Variants in ZCWPW2 observed in about 807,000 individuals in gnomAD.
The protein encoded by ZCWPW2 is zinc finger CW-type and PWWP domain containing 2.
Under a neutral mutation model 46.6 loss-of-function variants are expected in ZCWPW2, and 45 were observed. That is an observed-to-expected ratio of 0.96 (90% confidence interval 0.76 to 1.24). The LOEUF is 1.24. Ranked by LOEUF, ZCWPW2 falls within the 50% of genes most tolerant of loss-of-function variation. The pLI is 0.00. For synonymous variants in ZCWPW2, 152 were observed against 137.1 expected, an observed-to-expected ratio of 1.11 and a Z score of -0.76; for missense variants, 429 against 403.9, an observed-to-expected ratio of 1.06 and a Z score of -0.53.
At chr3:28,428,593 A>C (rs149786713) in intron 3 of ZCWPW2, 36 of 152,310 alleles carry the variant, frequency 2.4e-4, no homozygotes, top group African/African-American at 7.9e-4. Flanking sequence ...TGTTCTGTTA[A>C]TTATGATCAG....
chr3:28,468,418 A>G (rs2125794363), intron 4 of ZCWPW2, among the ~76,000 whole-genome samples: 1 of 152,312 alleles, frequency 6.6e-6, no homozygotes, highest in East Asian at 1.9e-4. Flanking sequence ...AATAACAGAG[A>G]ATTTCCCAAA....
chr3:28,368,239 C>T (rs1408968350), intron 1 of ZCWPW2, among the ~76,000 whole-genome samples: 1 of 152,060 alleles, frequency 6.6e-6, no homozygotes, highest in Admixed American at 6.6e-5. Context: ...TCTTCCTAGC[C>T]TCGATGGTCT....
intron 4 of ZCWPW2, among the ~76,000 whole-genome samples, chr3:28,467,051 G>A (rs1482661046): frequency 6.6e-6 from 1 of 152,080 alleles, no homozygotes; most frequent in Non-Finnish European, 1.5e-5. Context: ...AGGCAATATG[G>A]TACTAATAGT....
At chr3:28,391,095 G>A (rs1422791751) in intron 2 of ZCWPW2, among the ~76,000 whole-genome samples, 1 of 152,082 alleles carries the variant, frequency 6.6e-6, no homozygotes, top group South Asian at 2.1e-4. Flanking sequence ...TTATTTTCAA[G>A]TTAAGGGAGA....
intron 1 of ZCWPW2, among the ~76,000 whole-genome samples, chr3:28,375,102 A>G (rs1211215551): frequency 6.7e-6 from 1 of 148,698 alleles, no homozygotes; most frequent in African/African-American, 2.5e-5. Context: ...ATCTCTTTTT[A>G]GTCTTTGATT....
intron 2 of ZCWPW2, among the ~76,000 whole-genome samples, chr3:28,401,052 G>A (rs539008150): frequency 4.0e-5 from 6 of 151,852 alleles, no homozygotes; most frequent in Non-Finnish European, 7.4e-5. Flanking sequence ...GGTGGCAGGC[G>A]CCTGTAGTCC....
intron 6 of ZCWPW2, among the ~76,000 whole-genome samples, chr3:28,513,175 A>G (rs971656722): frequency 1.3e-5 from 2 of 152,138 alleles, no homozygotes; most frequent in Admixed American, 6.6e-5. Context: ...TAATTATTTT[A>G]TGGGCTTTTT....
intron 1 of ZCWPW2, among the ~76,000 whole-genome samples, chr3:28,372,289 C>T (rs553999712): frequency 7.2e-5 from 11 of 151,776 alleles, no homozygotes; most frequent in Admixed American, 1.3e-4. Context: ...ATTAAAGAAC[C>T]GTAGTCTATA....
At chr3:28,380,036 G>T (rs1232105660) in intron 1 of ZCWPW2, among the ~76,000 whole-genome samples, 2 of 152,032 alleles carry the variant, frequency 1.3e-5, no homozygotes, top group Non-Finnish European at 2.9e-5. Context: ...AGGCTGGAGT[G>T]CAGTGGCGTC....
intron 2 of ZCWPW2, among the ~76,000 whole-genome samples, chr3:28,409,291 T>G (rs548135915): frequency 6.6e-6 from 1 of 152,118 alleles, no homozygotes; most frequent in South Asian, 2.1e-4. Context: ...GGCTAATTTT[T>G]GTATTTTCAG....
At chr3:28,400,944 C>A (rs1388996664) in intron 2 of ZCWPW2, among the ~76,000 whole-genome samples, 1 of 152,090 alleles carries the variant, frequency 6.6e-6, no homozygotes, top group East Asian at 1.9e-4. Flanking sequence ...CGTTGGGAGG[C>A]CGAGGCAGGT....
chr3:28,353,613 G>A (rs1426655634), intron 1 of ZCWPW2, among the ~76,000 whole-genome samples: 2 of 152,176 alleles, frequency 1.3e-5, no homozygotes, highest in East Asian at 3.8e-4. Context: ...TCTGTGCTTC[G>A]CTAAGAACTT....
At chr3:28,496,689 T>C (rs1272774041) in intron 6 of ZCWPW2, among the ~76,000 whole-genome samples, 1 of 151,994 alleles carries the variant, frequency 6.6e-6, no homozygotes, top group African/African-American at 2.4e-5. Context: ...ATATTATAGA[T>C]GTATAAAAGA....
At chr3:28,382,326 C>T (rs1428893529) in intron 1 of ZCWPW2, among the ~76,000 whole-genome samples, 1 of 152,110 alleles carries the variant, frequency 6.6e-6, no homozygotes, top group Non-Finnish European at 1.5e-5. Flanking sequence ...AGATGGCCAT[C>T]TTCTCCCTGT....
intron 3 of ZCWPW2, among the ~76,000 whole-genome samples, chr3:28,420,759 TC>T (rs1696743291): frequency 6.6e-6 from 1 of 152,124 alleles, no homozygotes; most frequent in Non-Finnish European, 1.5e-5. Context: ...TGTAATCTTT[TC>T]TTCTTGAGTA....
At chr3:28,396,158 C>G (rs1022079902) in intron 2 of ZCWPW2, among the ~76,000 whole-genome samples, 2 of 152,084 alleles carry the variant, frequency 1.3e-5, no homozygotes, top group Non-Finnish European at 2.9e-5. Context: ...TTTCAGAGAT[C>G]ATCTAGCCCT....
chr3:28,371,768 G>A (rs549623401), intron 1 of ZCWPW2, among the ~76,000 whole-genome samples: 117 of 152,256 alleles, frequency 7.7e-4, no homozygotes, highest in Non-Finnish European at 1.3e-3. Context: ...CTGGGCTGCA[G>A]AGGCCAAAGA....
At chr3:28,377,063 G>T (rs1325628195) in intron 1 of ZCWPW2, among the ~76,000 whole-genome samples, 1 of 145,712 alleles carries the variant, frequency 6.9e-6, no homozygotes, top group African/African-American at 2.5e-5. Context: ...TGAACTCACT[G>T]CATGATGATT....
intron 1 of ZCWPW2, among the ~76,000 whole-genome samples, chr3:28,368,808 G>C (rs1705213037): frequency 6.6e-6 from 1 of 152,210 alleles, no homozygotes; most frequent in South Asian, 2.1e-4. Flanking sequence ...ATCAGATGTA[G>C]ATTTGGTCTT....
Sources: allele counts gnomAD v4.1 joint callset (sites outside exome capture counted in the v4.1 genomes callset), GRCh38; gene constraint gnomAD v4.1.1; transcripts MANE v1.5; gene names NCBI Gene and HGNC (gene_info 2026-07-23, HGNC 2026-07-21).